The following ZCCHC14 variants were observed in gnomAD, a reference collection of about 807,000 sequenced individuals.
ZCCHC14 encodes zinc finger CCHC domain-containing protein 14.
A neutral mutation model predicts 85.0 loss-of-function variants in ZCCHC14; 16 were observed. That is an observed-to-expected ratio of 0.19 (90% CI 0.13 to 0.29). The LOEUF (loss-of-function observed/expected upper bound fraction) is 0.29, where lower values mean the gene tolerates loss of function less well. Among genes scored for constraint, ZCCHC14 ranks in the 10% least tolerant of loss-of-function variants. The probability of loss-of-function intolerance (pLI) is 1.00; values close to 1 mark genes in which losing one functional copy is unlikely to be tolerated. For synonymous variants in ZCCHC14, 775 were observed against 630.7 expected, an observed-to-expected ratio of 1.23 and a Z score of -3.43; for missense variants, 1,303 against 1,443.5, an observed-to-expected ratio of 0.90 and a Z score of 1.58.
At chr16:87,436,249 G>A (rs1260556716) in intron 2 of ZCCHC14, among the ~76,000 whole-genome samples, 1 of 152,266 alleles carries the variant, frequency 6.6e-6, no homozygotes, top group East Asian at 1.9e-4. Context: ...TCAAATAAAA[G>A]AGGCATTTCC....
chr16:87,468,057 T>A (rs1911610010), intron 1 of ZCCHC14, among the ~76,000 whole-genome samples: 1 of 152,220 alleles, frequency 6.6e-6, no homozygotes, highest in African/African-American at 2.4e-5. Context: ...TTCTAATGGC[T>A]ATTTCAAGGT....
Position 87,433,598 on chromosome 16 carries a change from T to C in ZCCHC14, c.695-397A>G, listed in dbSNP as rs145370301. Among the ~76,000 whole-genome samples, 439 of 152,352 alleles carry C rather than the reference T, an allele frequency of 2.9e-3. 1 individual carries two copies. Among genetic ancestry groups the C allele is most frequent in the Middle Eastern group, 0.014 (4 of 294 alleles). On this transcript the variant is annotated intron_variant, in intron 2 of 12. Coordinates refer to ENST00000671377, the MANE Select transcript of ZCCHC14 (RefSeq NM_015144.3). ...AAAGGTAATGCTCAGCATTTTCAAC[T>C]GTGACTGTTTAAGACAATATTTCCC...
At chr16:87,489,035 G>A (rs1241130426) in intron 1 of ZCCHC14, among the ~76,000 whole-genome samples, 8 of 152,220 alleles carry the variant, frequency 5.3e-5, no homozygotes, top group Admixed American at 2.6e-4. Context: ...GCTTTTTCAG[G>A]AATACACCAA....
chr16:87,487,228 C>G (rs1597458014), intron 1 of ZCCHC14, among the ~76,000 whole-genome samples: 1 of 152,168 alleles, frequency 6.6e-6, no homozygotes, highest in African/African-American at 2.4e-5. Flanking sequence ...TTCCACAGAA[C>G]CTACCCCTAA....
intron 1 of ZCCHC14, chr16:87,473,568 A>T (rs1234168360): frequency 2.6e-5 from 4 of 152,228 alleles, no homozygotes; most frequent in Admixed American, 2.6e-4. Flanking sequence ...ATATTTGGCC[A>T]GGAATATGCT....
At chr16:87,431,392 GA>G (rs1909649903) in intron 3 of ZCCHC14, among the ~76,000 whole-genome samples, 2 of 147,532 alleles carry the variant, frequency 1.4e-5, no homozygotes, top group Non-Finnish European at 3.0e-5. Context: ...AAAATGGTGT[GA>G]ACCCGGGAGG....
chr16:87,421,328 A>G (rs74786821), intron 4 of ZCCHC14, among the ~76,000 whole-genome samples: 2,549 of 152,246 alleles, frequency 0.017, 26 homozygotes, highest in Middle Eastern at 0.044. Flanking sequence ...CAGAGCCCAA[A>G]CCAAAGGCCC....
At chr16:87,435,400 C>T (rs1009152899) in intron 2 of ZCCHC14, among the ~76,000 whole-genome samples, 2 of 152,256 alleles carry the variant, frequency 1.3e-5, no homozygotes, top group Non-Finnish European at 2.9e-5. Flanking sequence ...AACACCCGCC[C>T]GTCCGTGAGC....
intron 2 of ZCCHC14, among the ~76,000 whole-genome samples, chr16:87,433,640 T>G (rs2150738594): frequency 6.6e-6 from 1 of 152,316 alleles, no homozygotes; most frequent in Non-Finnish European, 1.5e-5. Context: ...CACAGTCACC[T>G]GGGGGGTCTC....
chr16:87,412,064 C>T lies in ZCCHC14; in HGVS notation c.2657G>A (p.Gly886Asp). ...AGGAATGTTTCCTGTGGAGCCGCCA[C>T]CGCCACTGCTGCTATAGAAACTGCT... Reference protein sequence around the residue: ...PESSFYSSSGGGGSTGNIPAS... With the variant: ...PESSFYSSSGDGGSTGNIPAS... The change falls in exon 12 of 13, where the codon GGT becomes GAT. Residue 886 changes from glycine to aspartate, a missense_variant. Physicochemically the swap from Gly to Asp is moderately conservative, Grantham distance 94. This residue lies in a region of ZCCHC14 where 797 missense variants were observed against 730.8 expected (regional missense o/e 1.09). Transcript: ENST00000671377. The T allele has an allele frequency of 6.2e-7, 1 of 1,610,952 alleles. No individual in the cohort carries two copies. The highest frequency in any genetic ancestry group is 8.5e-7 in the Non-Finnish European group (1 of 1,179,874).
chr16:87,447,527 G>T, intron 2 of ZCCHC14, among the ~76,000 whole-genome samples: 1 of 152,140 alleles, frequency 6.6e-6, no homozygotes, highest in Non-Finnish European at 1.5e-5. Context: ...TTCCGATGTG[G>T]TTACATGTAT....
At chr16:87,460,423 C>T (rs1170523738) in intron 1 of ZCCHC14, among the ~76,000 whole-genome samples, 1 of 152,174 alleles carries the variant, frequency 6.6e-6, no homozygotes, top group African/African-American at 2.4e-5. Flanking sequence ...GGCACGGTGG[C>T]TCACGCCTGT....
intron 1 of ZCCHC14, among the ~76,000 whole-genome samples, chr16:87,480,502 G>A (rs117714808): frequency 6.6e-6 from 1 of 152,168 alleles, no homozygotes; most frequent in Non-Finnish European, 1.5e-5. Context: ...ATGAGAGGTA[G>A]TCATTGGATA....
intron 2 of ZCCHC14, among the ~76,000 whole-genome samples, chr16:87,436,315 T>C (rs1194854514): frequency 1.3e-5 from 2 of 152,238 alleles, no homozygotes; most frequent in Admixed American, 1.3e-4. Flanking sequence ...GCCTGGGCAG[T>C]GGCGGCCCCC....
chr16:87,446,735 G>A (rs997544559), intron 2 of ZCCHC14, among the ~76,000 whole-genome samples: 23 of 152,008 alleles, frequency 1.5e-4, no homozygotes, highest in African/African-American at 5.3e-4. Context: ...TGCCACCCAG[G>A]CTGGAGTGCA....
chr16:87,478,271 T>C (rs9940620), intron 1 of ZCCHC14, among the ~76,000 whole-genome samples: 1 of 152,134 alleles, frequency 6.6e-6, no homozygotes, highest in African/African-American at 2.4e-5. Context: ...GCCACTAAAA[T>C]CACGCAACGA....
chr16:87,424,322 G>A (rs1250537246), intron 3 of ZCCHC14, among the ~76,000 whole-genome samples: 1 of 152,162 alleles, frequency 6.6e-6, no homozygotes. Context: ...GGTGCTGTGG[G>A]CACACAGTGA....
intron 2 of ZCCHC14, among the ~76,000 whole-genome samples, chr16:87,433,707 C>T (rs567526054): frequency 1.3e-5 from 2 of 151,886 alleles, no homozygotes; most frequent in South Asian, 2.1e-4. Flanking sequence ...CACTCTGTCT[C>T]GGCGGCTCAC....
At chr16:87,449,442 GGGA>G (rs1567528262) in intron 2 of ZCCHC14, among the ~76,000 whole-genome samples, 2 of 152,136 alleles carry the variant, frequency 1.3e-5, no homozygotes, top group Non-Finnish European at 2.9e-5. Flanking sequence ...ATGATCACGA[GGGA>G]GGAGAGAGGA....
Sources: gnomAD v4.1 joint callset for allele counts (sites outside exome capture counted in the v4.1 genomes callset) on GRCh38, gnomAD v4.1.1 for gene constraint, gnomAD v4.1.1 regional missense constraint, MANE v1.5 for transcripts, NCBI Gene and HGNC (gene_info 2026-07-23, HGNC 2026-07-21) for gene names.